ALK: variants seen among roughly 807,000 people sequenced by gnomAD.
ALK encodes the protein ALK receptor tyrosine kinase.
A neutral mutation model predicts 163.1 loss-of-function variants in ALK; 74 were observed. The observed-to-expected ratio is 0.45, with a 90% CI of 0.38 to 0.55. The LOEUF is 0.55. Ranked by LOEUF, ALK falls within the 20% of genes least tolerant of loss-of-function variation. The pLI is 0.00. For synonymous variants in ALK, 960 were observed against 843.2 expected (o/e 1.14, Z -2.40); for missense variants, 2,063 against 2,105.3 (o/e 0.98, Z 0.39).
Position 29,920,318 on chromosome 2 carries a change from T to A in ALK, c.342A>T (p.Ser114=). The change falls in exon 1 of 29, where the codon TCA becomes TCT. Residue 114 remains serine (S), a synonymous_variant. Coordinates refer to ENST00000389048, the MANE Select transcript of ALK (RefSeq NM_004304.5). ...GCGTCCGGGCCTCTGCCGGGGCTGG[T>A]GAACCGGCGGTCCAGGAGACCCCCG... ...PAPGVSWTAG[S]PAPAEARTLS... The A allele has an allele frequency of 6.4e-7, 1 of 1,556,038 alleles. No homozygotes were observed. Among genetic ancestry groups the A allele is most frequent in the South Asian group, 1.2e-5 (1 of 85,340 alleles).
intron 2 of ALK, among the ~76,000 whole-genome samples, chr2:29,713,990 G>C (rs2148304325): frequency 6.6e-6 from 1 of 152,160 alleles, no homozygotes. Flanking sequence ...ATCTGTCTCT[G>C]TGGCTCTAAA....
chr2:29,315,974 CG>C (rs1455262867), intron 8 of ALK, among the ~76,000 whole-genome samples: 1 of 152,100 alleles, frequency 6.6e-6, no homozygotes, highest in Non-Finnish European at 1.5e-5. Context: ...TTTCTGCACT[CG>C]GGCCCCATAG....
chr2:29,793,791 A>C (rs920293771), intron 1 of ALK, among the ~76,000 whole-genome samples: 2 of 152,190 alleles, frequency 1.3e-5, no homozygotes, highest in Non-Finnish European at 2.9e-5. Flanking sequence ...TTCAGTTTAC[A>C]TGGTTTACCA....
chr2:29,549,248 T>A (rs1482147254), intron 3 of ALK, among the ~76,000 whole-genome samples: 2 of 152,152 alleles, frequency 1.3e-5, no homozygotes, highest in Non-Finnish European at 2.9e-5. Context: ...ATCACAGTTT[T>A]AAAAAGATTG....
At chr2:29,552,380 G>A (rs963168380) in intron 3 of ALK, among the ~76,000 whole-genome samples, 31 of 152,108 alleles carry the variant, frequency 2.0e-4, no homozygotes, top group African/African-American at 6.8e-4. Context: ...TGGAATTGCT[G>A]GGTCATGTGA....
chr2:29,409,747 T>C (rs965117356), intron 4 of ALK, among the ~76,000 whole-genome samples: 1 of 152,180 alleles, frequency 6.6e-6, no homozygotes, highest in African/African-American at 2.4e-5. Flanking sequence ...AAGACTCTTA[T>C]CTGTGTCCTT....
At chr2:29,749,080 T>C (rs1680283458) in intron 1 of ALK, among the ~76,000 whole-genome samples, 1 of 152,100 alleles carries the variant, frequency 6.6e-6, no homozygotes. Flanking sequence ...AGAAGAGAAA[T>C]ACCTGACATC....
chr2:29,860,805 T>C (rs1666267167), intron 1 of ALK, among the ~76,000 whole-genome samples: 2 of 152,140 alleles, frequency 1.3e-5, no homozygotes, highest in Admixed American at 1.3e-4. Context: ...AAGGGAAATT[T>C]AAAAATATCT....
intron 23 of ALK, among the ~76,000 whole-genome samples, chr2:29,216,492 G>A (rs557453321): frequency 2.2e-4 from 33 of 152,246 alleles, no homozygotes; most frequent in Admixed American, 5.2e-4. Flanking sequence ...ATTAACTCAC[G>A]GGCTAGGCTG....
At chr2:29,791,978 A>G (rs1326659190) in intron 1 of ALK, among the ~76,000 whole-genome samples, 3 of 152,218 alleles carry the variant, frequency 2.0e-5, no homozygotes, top group East Asian at 3.8e-4. Context: ...AATTCTGATC[A>G]TAACATGAGC....
chr2:29,221,023 G>A, intron 22 of ALK, 188 bp from the exon 23 acceptor site: 1 of 771,704 alleles, frequency 1.3e-6, no homozygotes, highest in African/African-American at 1.7e-5. Context: ...CAGGTGGGAA[G>A]AACCACAGCA....
chr2:29,666,489 C>G (rs1677517054), intron 3 of ALK, among the ~76,000 whole-genome samples: 1 of 152,116 alleles, frequency 6.6e-6, no homozygotes, highest in South Asian at 2.1e-4. Context: ...CCATTCTAGA[C>G]CAGTACTCAT....
At chr2:29,848,369 G>C (rs1236712197) in intron 1 of ALK, among the ~76,000 whole-genome samples, 1 of 147,794 alleles carries the variant, frequency 6.8e-6, no homozygotes, top group Non-Finnish European at 1.5e-5. Flanking sequence ...TTTTAAACTA[G>C]CAAGTTTGAG....
In ALK at chr2:29,540,591, TTA is replaced by T. The variant is rs1491533391; in HGVS notation, c.953-8477_953-8476del. The stretch of plus-strand genomic sequence containing the variant: ...AAGAGAAGAATTATGTTTTTTTTTT[TTA>T]AAAAAAAAAAACCCTATAGGTTTTT... On this transcript the variant is annotated intron_variant, in intron 3 of 28. Transcript: ENST00000389048. Among the ~76,000 whole-genome samples the T allele has an allele frequency of 4.6e-4, 64 of 140,614 alleles. 1 individual carries two copies. Among genetic ancestry groups the T allele is most frequent in the African/African-American group, 1.5e-3 (58 of 37,848 alleles). 92.2% of individuals were successfully genotyped at this position (140,614 alleles called of 152,430 possible). A position where few individuals can be genotyped will look rare whatever the true frequency, so the allele number is the denominator to read the frequency against.
At chr2:29,297,093 A>T in intron 8 of ALK, 36 bp from the exon 9 acceptor site, 2 of 1,613,828 alleles carry the variant, frequency 1.2e-6, no homozygotes, top group Non-Finnish European at 8.5e-7. Context: ...ACAAGGTATG[A>T]TTGCTGAAAG....
At position 29,222,323 on chromosome 2, in the gene ALK, G is replaced by T. The variant is rs557465404; in HGVS notation, c.3515+21C>A. 2.1e-4 allele frequency: 341 copies of T among 1,612,476 alleles called. 3 individuals carry two copies. The South Asian group carries it at 3.6e-3, about 17-fold the overall frequency. ...GGGGGCAGAGGGGAGTTGGGGTGAG[G>T]GTGTCTCTCTGTGGCTTTACCTGAT... On this transcript the variant is annotated intron_variant, in intron 22 of 28. Transcript: ENST00000389048.
chr2:29,712,109 G>C (rs2247443), intron 2 of ALK, among the ~76,000 whole-genome samples: 130,228 of 152,166 alleles, frequency 0.86, 55,955 homozygotes, highest in African/African-American at 0.93. Flanking sequence ...AACACCTAAG[G>C]CAACTCCTTT....
chr2:29,898,725 G>T (rs1036862788), intron 1 of ALK, among the ~76,000 whole-genome samples: 1 of 152,082 alleles, frequency 6.6e-6, no homozygotes, highest in Non-Finnish European at 1.5e-5. Context: ...GTAAGCTTTG[G>T]GTGTACCCAT....
In ALK at chr2:29,694,904, G is replaced by T. The variant is rs1254596043; in HGVS notation, c.898C>A (p.Gln300Lys). Residue 300 changes from glutamine to lysine, a missense_variant, in exon 3 of 29, where the codon CAG (glutamine) becomes AAG (lysine). By Grantham distance (53) the Gln-to-Lys change is moderately conservative. Coordinates refer to ENST00000389048, the MANE Select transcript of ALK (RefSeq NM_004304.5). ...WRRIPSEEAS[Q>K]MDLLDGPGAE... The stretch of plus-strand genomic sequence containing the variant: ...CCAGGCCCATCCAGCAAGTCCATCT[G>T]GGAGGCCTCCTCGGAGGGGATGCGG... 1 of 1,614,112 alleles carries T rather than the reference G, an allele frequency of 6.2e-7. No homozygotes were observed. The highest frequency in any genetic ancestry group is 2.2e-5 in the East Asian group (1 of 44,868).
Sources: allele counts gnomAD v4.1 joint callset (sites outside exome capture counted in the v4.1 genomes callset), GRCh38; gene constraint gnomAD v4.1.1; transcripts MANE v1.5; gene names NCBI Gene and HGNC (gene_info 2026-07-23, HGNC 2026-07-21).